DMD: variants seen among roughly 807,000 people sequenced by gnomAD.
DMD encodes the protein mutant dystrophin.
DMD carries 63 observed loss-of-function variants against 330.1 expected under a neutral mutation model. The ratio of observed to expected loss-of-function variants is 0.19; its 90% CI spans 0.16 to 0.24. The LOEUF (loss-of-function observed/expected upper bound fraction) is 0.24. Ranked by LOEUF, DMD falls within the 10% of genes least tolerant of loss-of-function variation. The pLI, the probability that DMD is intolerant of heterozygous loss-of-function variation, is 1.00. For missense variants in DMD, 3,344 were observed against 2,684.1 expected (o/e 1.25, Z -5.43); for synonymous variants, 1,223 against 959.8 (o/e 1.27, Z -5.07).
chrX:31,891,836 T>C (rs1024565538), intron 47 of DMD, among the ~76,000 whole-genome samples: 2 of 112,096 alleles, frequency 1.8e-5, no homozygotes, highest in Admixed American at 1.9e-4. Flanking sequence ...TGGTCCTGCC[T>C]GTATTTCAGA....
chrX:31,435,317 G>C, intron 60 of DMD, among the ~76,000 whole-genome samples: 1 of 111,582 alleles, frequency 9.0e-6, no homozygotes, highest in South Asian at 3.8e-4. Context: ...TGACTACATT[G>C]ATTGTCTGAA....
At chrX:31,473,791 C>T (rs2067520668) in intron 59 of DMD, among the ~76,000 whole-genome samples, 1 of 110,395 alleles carries the variant, frequency 9.1e-6, no homozygotes, top group South Asian at 3.9e-4. Context: ...AATCTTGTAT[C>T]CAGACTACAG....
At chrX:32,303,538 G>A (rs1030857656) in intron 42 of DMD, among the ~76,000 whole-genome samples, 2 of 110,970 alleles carry the variant, frequency 1.8e-5, no homozygotes, top group Non-Finnish European at 3.8e-5. Flanking sequence ...CACTATTGTC[G>A]TCATATTTTG....
chrX:32,595,169 C>G (rs187714555), intron 13 of DMD, among the ~76,000 whole-genome samples: 1 of 111,462 alleles, frequency 9.0e-6, no homozygotes, highest in African/African-American at 3.3e-5. Context: ...TAGGGATAAT[C>G]AGTACATTTA....
At chrX:32,712,153 GTAAC>G (rs958990133) in intron 7 of DMD, among the ~76,000 whole-genome samples, 2 of 111,167 alleles carry the variant, frequency 1.8e-5, no homozygotes, top group African/African-American at 6.5e-5. Context: ...TATTTATTCT[GTAAC>G]TATTTATTGG....
In DMD at chrX:32,345,946, G is replaced by C. The variant is rs775837149; in HGVS notation, c.5583C>G (p.Leu1861=). 5 of 1,204,892 alleles carry C rather than the reference G, an allele frequency of 4.1e-6. No homozygotes were observed. The highest frequency in any genetic ancestry group is 2.2e-5 in the Admixed American group (1 of 45,338). ...ATTATAATTTTAGCTCTAATACCTT[G>C]AGAGCATTATGTTTTGTCTGTAACA... is the stretch of plus-strand genomic sequence containing the variant. ...QQLLQTKHNA[L]KDLRSQRRKK... is the part of the protein sequence containing the mutation. The change falls in exon 39 of 79, where the codon CTC becomes CTG. Residue 1861 remains leucine, a synonymous_variant. Coordinates refer to ENST00000357033, the MANE Select transcript of DMD (RefSeq NM_004006.3).
intron 48 of DMD, among the ~76,000 whole-genome samples, chrX:31,839,549 A>AT (rs2093273918): frequency 9.0e-6 from 1 of 111,371 alleles, no homozygotes; most frequent in Non-Finnish European, 1.9e-5. Context: ...TCCCGTAATG[A>AT]TTTTTTTTGC....
At chrX:31,929,464 T>TA (rs1210067838) in intron 47 of DMD, 132 bp downstream of exon 47, 7 of 787,458 alleles carry the variant, frequency 8.9e-6, no homozygotes, top group Middle Eastern at 8.7e-4. Context: ...ACGGTCAGGT[T>TA]AAAAAAACAA....
At chrX:33,064,019 C>CAATTT (rs1372878365) in intron 1 of DMD, among the ~76,000 whole-genome samples, 25 of 111,325 alleles carry the variant, frequency 2.2e-4, no homozygotes, top group African/African-American at 7.8e-4. Flanking sequence ...AGTAGGCAAC[C>CAATTT]AATTTCTTTC....
intron 2 of DMD, among the ~76,000 whole-genome samples, chrX:32,907,429 A>G (rs2086813408): frequency 8.9e-6 from 1 of 112,048 alleles, no homozygotes; most frequent in Admixed American, 9.5e-5. Flanking sequence ...CTCACTATAG[A>G]TTGTACTAAA....
intron 44 of DMD, among the ~76,000 whole-genome samples, chrX:31,990,560 T>C (rs749134250): frequency 1.8e-5 from 2 of 112,423 alleles, no homozygotes; most frequent in Non-Finnish European, 3.8e-5. Context: ...CAAGAAATAA[T>C]ACGTACAACC....
At chrX:32,611,661 G>T (rs1489267125) in intron 12 of DMD, among the ~76,000 whole-genome samples, 1 of 111,323 alleles carries the variant, frequency 9.0e-6, no homozygotes, top group Non-Finnish European at 1.9e-5. Context: ...CTTCATAGCT[G>T]CCCTAGGTTA....
intron 7 of DMD, among the ~76,000 whole-genome samples, chrX:32,731,071 A>C (rs996819154): frequency 1.8e-5 from 2 of 111,865 alleles, no homozygotes; most frequent in African/African-American, 6.5e-5. Flanking sequence ...GCGCGACCCG[A>C]AGCAGGGTGA....
At chrX:33,067,275 C>T (rs746114140) in intron 1 of DMD, among the ~76,000 whole-genome samples, 1 of 111,813 alleles carries the variant, frequency 8.9e-6, no homozygotes. Context: ...GTGAACTCAG[C>T]GACTGCAGAC....
At chrX:32,738,078 T>C (rs949637507) in intron 7 of DMD, among the ~76,000 whole-genome samples, 67 of 111,641 alleles carry the variant, frequency 6.0e-4, no homozygotes, top group African/African-American at 2.1e-3. Context: ...GTAATGAGAC[T>C]AGAGCTCAAG....
intron 44 of DMD, among the ~76,000 whole-genome samples, chrX:32,178,469 T>C (rs985031572): frequency 5.5e-5 from 6 of 110,079 alleles, no homozygotes; most frequent in Non-Finnish European, 1.1e-4. Context: ...TTTCACTCTG[T>C]GGCAAGAACA....
chrX:31,363,965 T>A (rs1314043585), intron 60 of DMD, among the ~76,000 whole-genome samples: 1 of 112,640 alleles, frequency 8.9e-6, no homozygotes, highest in Non-Finnish European at 1.9e-5. Flanking sequence ...TATTGATGTT[T>A]GAGATAAGAG....
chrX:32,426,131 C>A (rs1395289793), intron 29 of DMD, among the ~76,000 whole-genome samples: 3 of 111,717 alleles, frequency 2.7e-5, no homozygotes, highest in Non-Finnish European at 5.7e-5. Context: ...CAAATGAGAC[C>A]TAATTAAATT....
intron 44 of DMD, among the ~76,000 whole-genome samples, chrX:32,019,531 T>C (rs754084961): frequency 1.5e-4 from 17 of 112,665 alleles, no homozygotes; most frequent in Middle Eastern, 4.6e-3. Context: ...AATTATATAA[T>C]GATAATCTCA....
Sources: gnomAD v4.1 joint callset for allele counts (sites outside exome capture counted in the v4.1 genomes callset) on GRCh38, gnomAD v4.1.1 for gene constraint, MANE v1.5 for transcripts, NCBI Gene and HGNC (gene_info 2026-07-23, HGNC 2026-07-21) for gene names.